The following EFNA5 variants were observed in gnomAD, a reference collection of about 807,000 sequenced individuals.
EFNA5 encodes ephrin A5, also known as ephrin-A5.
In EFNA5, 5 loss-of-function variants were observed where a neutral mutation model predicts 22.9. That is an observed-to-expected ratio of 0.22 (90% CI 0.11 to 0.46). The LOEUF (loss-of-function observed/expected upper bound fraction) is 0.46, where lower values mean the gene tolerates loss of function less well. Among genes scored for constraint, EFNA5 ranks in the 20% least tolerant of loss-of-function variants. The pLI is 0.99. For missense variants in EFNA5, 237 were observed against 293.3 expected (o/e 0.81, Z 1.40); for synonymous variants, 113 against 112.2 (o/e 1.01, Z -0.04).
intron 2 of EFNA5, among the ~76,000 whole-genome samples, chr5:107,425,538 T>C (rs1406588258): frequency 1.3e-5 from 2 of 152,226 alleles, no homozygotes; most frequent in East Asian, 3.8e-4. Flanking sequence ...GTCAAGAACA[T>C]GCTGCCTGAG....
At chr5:107,532,682 G>C (rs1476135308) in intron 1 of EFNA5, among the ~76,000 whole-genome samples, 1 of 152,202 alleles carries the variant, frequency 6.6e-6, no homozygotes, top group Non-Finnish European at 1.5e-5. Context: ...AGTGAGGAAG[G>C]CTGGGCACCA....
intron 1 of EFNA5, among the ~76,000 whole-genome samples, chr5:107,649,751 A>G (rs1024594621): frequency 1.9e-4 from 29 of 152,190 alleles, no homozygotes; most frequent in Admixed American, 1.8e-3. Context: ...AAGTATTAAT[A>G]GCTAAAATTT....
intron 1 of EFNA5, among the ~76,000 whole-genome samples, chr5:107,525,551 A>AT (rs1333481547): frequency 1.3e-5 from 2 of 152,158 alleles, no homozygotes; most frequent in South Asian, 2.1e-4. Flanking sequence ...CACATATTGT[A>AT]TTTTTTTATG....
chr5:107,590,325 T>C (rs1262772877), intron 1 of EFNA5, among the ~76,000 whole-genome samples: 1 of 152,174 alleles, frequency 6.6e-6, no homozygotes, highest in African/African-American at 2.4e-5. Flanking sequence ...CCAAAGCAGT[T>C]CCATTAAGAG....
chr5:107,545,358 C>T (rs905956414), intron 1 of EFNA5, among the ~76,000 whole-genome samples: 5 of 152,132 alleles, frequency 3.3e-5, no homozygotes, highest in Admixed American at 6.5e-5. Flanking sequence ...TGGTTTTCTA[C>T]CAATCTGATT....
chr5:107,458,001 C>A (rs1258404499), intron 1 of EFNA5, among the ~76,000 whole-genome samples: 1 of 152,082 alleles, frequency 6.6e-6, no homozygotes, highest in Non-Finnish European at 1.5e-5. Flanking sequence ...ATAGTGGCAC[C>A]AAGATTCAAG....
chr5:107,449,349 CA>C, intron 1 of EFNA5, among the ~76,000 whole-genome samples: 1 of 147,100 alleles, frequency 6.8e-6, no homozygotes, highest in Non-Finnish European at 1.5e-5. Flanking sequence ...GGGTGGAAGC[CA>C]AAAATATGGC....
chr5:107,662,216 C>T (rs1459167320), intron 1 of EFNA5, among the ~76,000 whole-genome samples: 3 of 152,078 alleles, frequency 2.0e-5, no homozygotes, highest in Non-Finnish European at 4.4e-5. Context: ...GAACTTTAAC[C>T]GCGATACATG....
At chr5:107,471,144 A>C (rs1750130439) in intron 1 of EFNA5, among the ~76,000 whole-genome samples, 2 of 152,122 alleles carry the variant, frequency 1.3e-5, no homozygotes, top group Non-Finnish European at 2.9e-5. Context: ...CCTATTCTGT[A>C]AAATCAATTC....
chr5:107,466,847 G>A (rs902572963), intron 1 of EFNA5, among the ~76,000 whole-genome samples: 1 of 152,130 alleles, frequency 6.6e-6, no homozygotes, highest in Non-Finnish European at 1.5e-5. Flanking sequence ...TGTGATAGCT[G>A]GAGCTGGGGC....
intron 1 of EFNA5, among the ~76,000 whole-genome samples, chr5:107,559,410 C>A (rs972035522): frequency 6.6e-6 from 1 of 152,284 alleles, no homozygotes; most frequent in East Asian, 1.9e-4. Context: ...AGTATAGCAA[C>A]AGGCCCATAA....
At chr5:107,661,593 C>A (rs1264459398) in intron 1 of EFNA5, among the ~76,000 whole-genome samples, 1 of 152,228 alleles carries the variant, frequency 6.6e-6, no homozygotes, top group Non-Finnish European at 1.5e-5. Context: ...AGAAGGGGAA[C>A]TAGGCTCATT....
chr5:107,508,225 C>T (rs978141836), intron 1 of EFNA5, among the ~76,000 whole-genome samples: 1 of 152,178 alleles, frequency 6.6e-6, no homozygotes, highest in Non-Finnish European at 1.5e-5. Context: ...AAGTGAAGTG[C>T]AGATGGATGG....
intron 2 of EFNA5, among the ~76,000 whole-genome samples, chr5:107,418,909 A>G (rs75769046): frequency 0.044 from 6,694 of 152,312 alleles, 241 homozygotes; most frequent in Non-Finnish European, 0.061. Context: ...CTCATCCTTT[A>G]GTCACTTAAC....
At chr5:107,577,217 G>C (rs888317782) in intron 1 of EFNA5, among the ~76,000 whole-genome samples, 3 of 151,980 alleles carry the variant, frequency 2.0e-5, no homozygotes, top group African/African-American at 7.2e-5. Context: ...TTGGCCACCT[G>C]GTCACTCTGA....
chr5:107,641,960 G>A (rs993702751), intron 1 of EFNA5, among the ~76,000 whole-genome samples: 5 of 152,014 alleles, frequency 3.3e-5, no homozygotes, highest in South Asian at 2.1e-4. Flanking sequence ...CCATACTCTC[G>A]TTTTCCCCAG....
chr5:107,383,470 T>A (rs1396854172), intron 4 of EFNA5, among the ~76,000 whole-genome samples: 1 of 152,192 alleles, frequency 6.6e-6, no homozygotes, highest in Admixed American at 6.5e-5. Context: ...ATCACTTTCT[T>A]AAGAGCACCA....
At chr5:107,489,321 G>GT (rs1184059414) in intron 1 of EFNA5, among the ~76,000 whole-genome samples, 1 of 151,972 alleles carries the variant, frequency 6.6e-6, no homozygotes, top group African/African-American at 2.4e-5. Context: ...TTACAGGCAC[G>GT]TGCCACCATG....
chr5:107,653,109 T>G lies in EFNA5; in HGVS notation c.125+17380A>C, dbSNP rs192594823. On this transcript the variant is annotated intron_variant, in intron 1 of 4. Coordinates refer to ENST00000333274, the MANE Select transcript of EFNA5 (RefSeq NM_001962.3). ...GGTACCAGGGAGGGAGAAGCATCATTCTGGAATCTGAGGGTTTACCCTTTT... is the reference window on the plus strand; with the variant it reads ...GGTACCAGGGAGGGAGAAGCATCATGCTGGAATCTGAGGGTTTACCCTTTT... Among the ~76,000 whole-genome samples, 282 of 152,156 alleles carry G rather than the reference T, an allele frequency of 1.9e-3. 1 individual carries two copies. The highest frequency in any genetic ancestry group is 3.4e-3 in the Middle Eastern group (1 of 294).
Sources: allele counts gnomAD v4.1 joint callset (sites outside exome capture counted in the v4.1 genomes callset), GRCh38; gene constraint gnomAD v4.1.1; transcripts MANE v1.5; gene names NCBI Gene and HGNC (gene_info 2026-07-23, HGNC 2026-07-21).